FAH: variants seen among roughly 807,000 people sequenced by gnomAD.
FAH encodes fumarylacetoacetate hydrolase.
In FAH, 47 loss-of-function variants were observed where a neutral mutation model predicts 55.8. The ratio of observed to expected loss-of-function variants is 0.84; its 90% CI spans 0.67 to 1.07. FAH has a LOEUF of 1.07. FAH is among the 50% of genes least tolerant of loss of function. FAH has a pLI of 0.00. For missense variants in FAH, 495 were observed against 545.9 expected (o/e 0.91, Z 0.93); for synonymous variants, 199 against 207.7 (o/e 0.96, Z 0.36).
chr15:80,182,703 A>C (rs1406030099), intron 13 of FAH, among the ~76,000 whole-genome samples: 1 of 152,220 alleles, frequency 6.6e-6, no homozygotes, highest in Non-Finnish European at 1.5e-5. Flanking sequence ...GGCTGATAGA[A>C]GGCAGGTTAC....
chr15:80,184,070 G>A (rs1295457005), intron 13 of FAH, among the ~76,000 whole-genome samples: 1 of 152,212 alleles, frequency 6.6e-6, no homozygotes, highest in Non-Finnish European at 1.5e-5. Context: ...GATCGTCTTG[G>A]TTTAACTCAT....
chr15:80,174,257 C>T (rs2041264601), intron 9 of FAH, among the ~76,000 whole-genome samples: 1 of 152,206 alleles, frequency 6.6e-6, no homozygotes. Flanking sequence ...CATCTGCCTT[C>T]TTCCGGGTCG....
In FAH at chr15:80,182,929, C is replaced by T. The variant is rs528335961; in HGVS notation, c.1180+1770C>T. Among the ~76,000 whole-genome samples the T allele has an allele frequency of 7.1e-4, 108 of 152,326 alleles. 1 individual carries two copies. The South Asian group carries it at 0.012, about 16-fold the overall frequency. On this transcript the variant is annotated intron_variant, in intron 13 of 13. Transcript: ENST00000561421. ...AGAAGAGAAAATGATGGCTTTAACT[C>T]TCTGTTGTCAGTGTGATAAGGGCCC...
intron 13 of FAH, among the ~76,000 whole-genome samples, chr15:80,181,591 C>T (rs2041331625): frequency 6.6e-6 from 1 of 152,054 alleles, no homozygotes; most frequent in Non-Finnish European, 1.5e-5. Flanking sequence ...TTCTGCCTAC[C>T]ACATTTTACT....
Position 80,171,921 on chromosome 15 carries a change from G to A in FAH, c.607-228G>A, listed in dbSNP as rs375264454. Reference sequence around the variant, plus strand: ...AGGGGAGGCTGCTTTGGAGCTCAGGGGAGTGGAAGGAAGGCCGATGGCGGG... The same window carrying A: ...AGGGGAGGCTGCTTTGGAGCTCAGGAGAGTGGAAGGAAGGCCGATGGCGGG... On this transcript the variant is annotated intron_variant, in intron 7 of 13. Coordinates refer to ENST00000561421, the MANE Select transcript of FAH (RefSeq NM_000137.4). Among the ~76,000 whole-genome samples the A allele has an allele frequency of 3.2e-3, 491 of 152,304 alleles. 2 individuals carry two copies. Among genetic ancestry groups the A allele is most frequent in the African/African-American group, 0.011 (469 of 41,562 alleles).
chr15:80,168,030 T>G, intron 5 of FAH, 22 bp from the exon 6 acceptor site: 1 of 1,598,332 alleles, frequency 6.3e-7, no homozygotes, highest in Admixed American at 1.7e-5. Context: ...ATGCCCTGCA[T>G]TCTCTTGCCT....
At chr15:80,159,235 AAAAC>A (rs1318061696) in intron 2 of FAH, among the ~76,000 whole-genome samples, 6 of 151,918 alleles carry the variant, frequency 3.9e-5, no homozygotes, top group African/African-American at 1.4e-4. Flanking sequence ...GGGAAAAAAA[AAAAC>A]AACTTTTTTT....
Position 80,168,300 on chromosome 15 carries a change from A to G in FAH, c.590A>G (p.Asp197Gly). 1 of 1,610,178 alleles carries G rather than the reference A, an allele frequency of 6.2e-7. No homozygotes were observed. Among genetic ancestry groups the G allele is most frequent in the Non-Finnish European group, 8.5e-7 (1 of 1,179,488 alleles). The change falls in exon 7 of 14, where the codon GAC (aspartate) becomes GGC (glycine). Residue 197 changes from aspartate (D) to glycine (G), a missense_variant. Physicochemically the swap from Asp to Gly is moderately conservative, Grantham distance 94 (BLOSUM62 -1). Coordinates refer to ENST00000561421, the MANE Select transcript of FAH (RefSeq NM_000137.4). ...GTATATGGTGCCTGCAAGCTCTTGGACATGGAGCTGGAAATGGTAAGTGAG... is the reference window on the plus strand; with the variant it reads ...GTATATGGTGCCTGCAAGCTCTTGGGCATGGAGCTGGAAATGGTAAGTGAG... ...PPVYGACKLL[D>G]MELEMAFFVG...
intron 13 of FAH, among the ~76,000 whole-genome samples, chr15:80,182,199 A>G (rs1361517872): frequency 6.6e-6 from 1 of 151,394 alleles, no homozygotes; most frequent in Non-Finnish European, 1.5e-5. Flanking sequence ...CATCTCCTTT[A>G]CCTCTCTCTT....
At chr15:80,160,052 C>T in intron 3 of FAH, 175 bp downstream of exon 3, 1 of 905,442 alleles carries the variant, frequency 1.1e-6, no homozygotes, top group Admixed American at 2.3e-5. Flanking sequence ...TTTGGGAGGA[C>T]TGGGATTGCC....
At chr15:80,177,488 C>G (rs1402833630) in intron 10 of FAH, 49 bp from the exon 11 acceptor site, 1 of 1,493,196 alleles carries the variant, frequency 6.7e-7, no homozygotes, top group Non-Finnish European at 9.3e-7. Flanking sequence ...ATTTTCCTCC[C>G]TGATGCATGG....
chr15:80,179,583 C>T (rs547984852), intron 11 of FAH, among the ~76,000 whole-genome samples: 17 of 152,156 alleles, frequency 1.1e-4, no homozygotes, highest in African/African-American at 2.7e-4. Flanking sequence ...ACAGCCTGAC[C>T]GCCCACAGCT....
At chr15:80,175,501 C>T (rs1384493791) in intron 10 of FAH, among the ~76,000 whole-genome samples, 4 of 152,194 alleles carry the variant, frequency 2.6e-5, no homozygotes, top group African/African-American at 7.2e-5. Flanking sequence ...GTTCGCTTGG[C>T]TGAGCCCCTG....
upstream of FAH, chr15:80,152,823 G>A (rs1329054762): frequency 9.8e-6 from 5 of 512,074 alleles, no homozygotes; most frequent in African/African-American, 4.4e-5. Flanking sequence ...TGGAGGACCT[G>A]GAGCTGGCGG....
chr15:80,178,229 TA>T (rs2041300068), intron 11 of FAH, among the ~76,000 whole-genome samples: 1 of 152,004 alleles, frequency 6.6e-6, no homozygotes. Context: ...AAGTGCATAT[TA>T]TACATGTACA....
In FAH at chr15:80,153,012, G is replaced by GCACGC; in HGVS notation, c.-39_-35dup. 6.3e-7 allele frequency: 1 copy of GCACGC among 1,577,578 alleles called. No individual in the cohort carries two copies. Among genetic ancestry groups the GCACGC allele is most frequent in the South Asian group, 1.1e-5 (1 of 90,464 alleles). ...GCGGCCGAGTTCAGTCCTGCTCTCC[G>GCACGC]CACGCCACCTTAGGCCCGCAGCCGT... On this transcript the variant is annotated 5_prime_UTR_variant, in exon 1 of 14. Transcript: ENST00000561421.
rs770358271 is a variant in FAH, at chr15:80,172,994, G to T, written c.707-20G>T. On this transcript the variant is annotated intron_variant, in intron 8 of 13. Transcript: ENST00000561421. ...CCCTGATCAGCCTTTGTAAGTCCTGGCTGTGCCCTTCTTCTGCAGCACGAG... is the reference window on the plus strand; with the variant it reads ...CCCTGATCAGCCTTTGTAAGTCCTGTCTGTGCCCTTCTTCTGCAGCACGAG... 8.1e-6 allele frequency: 13 copies of T among 1,614,192 alleles called. No individual in the cohort carries two copies. The highest frequency in any genetic ancestry group is 1.1e-5 in the Non-Finnish European group (13 of 1,180,026).
intron 4 of FAH, among the ~76,000 whole-genome samples, chr15:80,161,172 C>T (rs534916898): frequency 4.6e-5 from 7 of 152,340 alleles, no homozygotes; most frequent in African/African-American, 1.4e-4. Flanking sequence ...CACTCTCATA[C>T]ACTCATGGGA....
Position 80,158,090 on chromosome 15 carries a change from G to T in FAH, c.112G>T (p.Asp38Tyr). The change falls in exon 2 of 14, where the codon GAC (aspartate) becomes TAC (tyrosine). Residue 38 changes from aspartate (D) to tyrosine (Y), a missense_variant. Physicochemically the swap from Asp to Tyr is radical, Grantham distance 160. Transcript: ENST00000561421. ...ACCGAGGATAGGTGTGGCCATTGGC[G>T]ACCAGATCCTGGACCTCAGCATCAT... ...PRPRIGVAIG[D>Y]QILDLSIIKH... 6.2e-7 allele frequency: 1 copy of T among 1,614,060 alleles called. No individual in the cohort carries two copies. Among genetic ancestry groups the T allele is most frequent in the Non-Finnish European group, 8.5e-7 (1 of 1,179,998 alleles).
Sources: gnomAD v4.1 joint callset for allele counts (sites outside exome capture counted in the v4.1 genomes callset) on GRCh38, gnomAD v4.1.1 for gene constraint, MANE v1.5 for transcripts, NCBI Gene and HGNC (gene_info 2026-07-23, HGNC 2026-07-21) for gene names.